The following GUCY1A2 variants were observed in gnomAD, a reference collection of about 807,000 sequenced individuals.
GUCY1A2 encodes guanylate cyclase 1 soluble subunit alpha 2.
GUCY1A2 carries 27 observed loss-of-function variants against 63.5 expected under a neutral mutation model. The ratio of observed to expected loss-of-function variants is 0.43; its 90% confidence interval spans 0.31 to 0.59. The LOEUF (loss-of-function observed/expected upper bound fraction) is 0.59, where lower values mean the gene tolerates loss of function less well. GUCY1A2 is among the 20% of genes least tolerant of loss of function. The pLI is 0.11. For synonymous variants in GUCY1A2, 364 were observed against 343.5 expected, an observed-to-expected ratio of 1.06 and a Z score of -0.66; for missense variants, 768 against 913.3, an observed-to-expected ratio of 0.84 and a Z score of 2.05.
chr11:106,777,250 A>C (rs1864373566), intron 5 of GUCY1A2, among the ~76,000 whole-genome samples: 1 of 151,998 alleles, frequency 6.6e-6, no homozygotes. Context: ...GCATATCGAG[A>C]CCATCCTCCA....
intron 3 of GUCY1A2, among the ~76,000 whole-genome samples, chr11:106,954,559 T>C (rs904307502): frequency 1.3e-5 from 2 of 152,126 alleles, no homozygotes; most frequent in African/African-American, 4.8e-5. Context: ...CTCCTAAATA[T>C]CCTTTTTAAT....
chr11:106,843,090 A>T (rs1859222771), intron 4 of GUCY1A2, among the ~76,000 whole-genome samples: 1 of 151,920 alleles, frequency 6.6e-6, no homozygotes, highest in African/African-American at 2.4e-5. Context: ...CAAATTTATT[A>T]TGTTCTTCCA....
chr11:106,982,519 T>C (rs1323472143), intron 2 of GUCY1A2, among the ~76,000 whole-genome samples: 1 of 152,146 alleles, frequency 6.6e-6, no homozygotes, highest in Non-Finnish European at 1.5e-5. Context: ...TGAGCATGAA[T>C]ATGTAGAGTT....
At chr11:106,896,444 A>G (rs376917288) in intron 4 of GUCY1A2, among the ~76,000 whole-genome samples, 1 of 152,218 alleles carries the variant, frequency 6.6e-6, no homozygotes, top group South Asian at 2.1e-4. Context: ...TAAATATTGT[A>G]CTGAAGTCCT....
chr11:106,683,857 C>A lies in GUCY1A2; in HGVS notation c.*3692G>T, dbSNP rs745524022. ...TTTTGAGCTCCTACCTGATGCCTTA[C>A]GACTTTAGATACACAATTTCATTCA... is the stretch of plus-strand genomic sequence containing the variant. On this transcript the variant is annotated 3_prime_UTR_variant, in exon 8 of 8. Transcript: ENST00000526355. The A allele has an allele frequency of 9.7e-6, 2 of 206,112 alleles. No individual in the cohort carries two copies. The highest frequency in any genetic ancestry group is 2.0e-5 in the Non-Finnish European group (2 of 100,862). 12.8% of individuals were successfully genotyped at this position (206,112 alleles called of 1,614,324 possible).
chr11:106,894,103 G>T (rs1860012323), intron 4 of GUCY1A2, among the ~76,000 whole-genome samples: 1 of 152,168 alleles, frequency 6.6e-6, no homozygotes, highest in South Asian at 2.1e-4. Context: ...TGACCCAGGT[G>T]AAAGGAAATA....
chr11:106,848,974 A>C (rs1362794738), intron 4 of GUCY1A2, among the ~76,000 whole-genome samples: 1 of 151,652 alleles, frequency 6.6e-6, no homozygotes, highest in Non-Finnish European at 1.5e-5. Flanking sequence ...CTTCTAAGCC[A>C]ATTCTATTTC....
chr11:106,711,953 G>T (rs1386810985), intron 6 of GUCY1A2, among the ~76,000 whole-genome samples: 1 of 151,370 alleles, frequency 6.6e-6, no homozygotes, highest in Admixed American at 6.6e-5. Flanking sequence ...TTTTACTTCT[G>T]GTTGCTTTTA....
intron 6 of GUCY1A2, among the ~76,000 whole-genome samples, chr11:106,757,165 A>G (rs1863989821): frequency 1.3e-5 from 2 of 152,060 alleles, no homozygotes; most frequent in South Asian, 4.1e-4. Flanking sequence ...TGTATACTTC[A>G]TGAAGTTCTT....
At chr11:106,766,547 C>CTT (rs5794494) in intron 6 of GUCY1A2, among the ~76,000 whole-genome samples, 33 of 151,388 alleles carry the variant, frequency 2.2e-4, no homozygotes, top group East Asian at 1.2e-3. Flanking sequence ...TTTCAGAGAT[C>CTT]TTTTTTTTGT....
At chr11:106,792,915 T>C (rs909064831) in intron 5 of GUCY1A2, among the ~76,000 whole-genome samples, 1 of 152,128 alleles carries the variant, frequency 6.6e-6, no homozygotes, top group Non-Finnish European at 1.5e-5. Flanking sequence ...GTTCATGGAA[T>C]GGAAAAATTA....
At chr11:106,736,002 G>T (rs1428660939) in intron 6 of GUCY1A2, among the ~76,000 whole-genome samples, 2 of 151,806 alleles carry the variant, frequency 1.3e-5, no homozygotes, top group Non-Finnish European at 2.9e-5. Context: ...CTATTGAGTT[G>T]TTTGAGCTCC....
chr11:106,728,092 G>A (rs1205939311), intron 6 of GUCY1A2, among the ~76,000 whole-genome samples: 1 of 152,068 alleles, frequency 6.6e-6, no homozygotes, highest in East Asian at 1.9e-4. Flanking sequence ...CTTTATAACT[G>A]TTTCTCTTAA....
chr11:106,939,145 A>C, intron 4 of GUCY1A2, among the ~76,000 whole-genome samples: 1 of 152,210 alleles, frequency 6.6e-6, no homozygotes, highest in Admixed American at 6.5e-5. Context: ...GTTTGACTAC[A>C]TTCAGTGGAA....
intron 2 of GUCY1A2, among the ~76,000 whole-genome samples, chr11:106,980,258 C>T (rs1861317960): frequency 6.6e-6 from 1 of 152,140 alleles, no homozygotes. Context: ...GGTGCTCTTC[C>T]AATCTAGAGG....
chr11:106,993,599 A>G (rs1259793118), intron 1 of GUCY1A2, among the ~76,000 whole-genome samples: 1 of 152,210 alleles, frequency 6.6e-6, no homozygotes, highest in East Asian at 1.9e-4. Context: ...TTACAAATCC[A>G]GCTGTGCTAC....
chr11:106,710,345 T>G (rs1322183014), intron 6 of GUCY1A2, among the ~76,000 whole-genome samples: 1 of 90,092 alleles, frequency 1.1e-5, no homozygotes, highest in East Asian at 3.0e-4. Context: ...TAATATATAG[T>G]TATATATTAT....
intron 6 of GUCY1A2, among the ~76,000 whole-genome samples, chr11:106,713,496 CTTTTTTTTTTTTTT>C (rs143909145): frequency 3.2e-4 from 25 of 78,354 alleles, no homozygotes; most frequent in South Asian, 1.2e-3. Flanking sequence ...TAGTATGTTT[CTTTTTTTTTTTTTT>C]TTTTTTTTTT....
At chr11:106,770,552 T>G (rs770861730) in intron 6 of GUCY1A2, among the ~76,000 whole-genome samples, 1 of 151,836 alleles carries the variant, frequency 6.6e-6, no homozygotes, top group Non-Finnish European at 1.5e-5. Context: ...AATAACAACA[T>G]CAGGTTTCCT....
Sources: gnomAD v4.1 joint callset for allele counts (sites outside exome capture counted in the v4.1 genomes callset) on GRCh38, gnomAD v4.1.1 for gene constraint, MANE v1.5 for transcripts, NCBI Gene and HGNC (gene_info 2026-07-23, HGNC 2026-07-21) for gene names.